Variants in ZNF605 observed in about 807,000 individuals in gnomAD.
ZNF605 encodes zinc finger protein 605.
In ZNF605, 9 loss-of-function variants were observed where a neutral mutation model predicts 7.9. The ratio of observed to expected loss-of-function variants is 1.14; its 90% confidence interval spans 0.68 to 1.98. The LOEUF (loss-of-function observed/expected upper bound fraction) is 1.98, where lower values mean the gene tolerates loss of function less well. Ranked by LOEUF, ZNF605 falls within the 30% of genes most tolerant of loss-of-function variation. The pLI is 0.00. For missense variants in ZNF605, 673 were observed against 762.4 expected (o/e 0.88, Z 1.38); for synonymous variants, 255 against 260.1 (o/e 0.98, Z 0.19).
intron 4 of ZNF605, among the ~76,000 whole-genome samples, chr12:132,927,650 C>T (rs1410459204): frequency 2.7e-5 from 4 of 150,404 alleles, no homozygotes; most frequent in Non-Finnish European, 5.9e-5. Flanking sequence ...AGGTGTGAGC[C>T]ACTGCGCCCA....
In ZNF605 at chr12:132,925,142, A is replaced by G; in HGVS notation, c.*231T>C. On this transcript the variant is annotated 3_prime_UTR_variant, in exon 5 of 5. Coordinates refer to ENST00000360187, the MANE Select transcript of ZNF605 (RefSeq NM_183238.4). ...CACTAATAAGGTTTTCACCTCAATG[A>G]GTCATCCAATATGTAACGAGTAGTG... The G allele has an allele frequency of 2.4e-6, 1 of 413,970 alleles. No homozygotes were observed. The highest frequency in any genetic ancestry group is 4.0e-5 in the Admixed American group (1 of 25,272). 25.6% of individuals were successfully genotyped at this position (413,970 alleles called of 1,614,324 possible).
intron 3 of ZNF605, among the ~76,000 whole-genome samples, chr12:132,938,608 C>T (rs1265330327): frequency 1.3e-5 from 2 of 152,190 alleles, no homozygotes; most frequent in African/African-American, 2.4e-5. Context: ...TCAGAGCCCT[C>T]GCTTGTTCTC....
intron 2 of ZNF605, among the ~76,000 whole-genome samples, 176 bp from the exon 3 acceptor site, chr12:132,945,973 C>T (rs1395409748): frequency 2.0e-5 from 3 of 152,140 alleles, no homozygotes; most frequent in Non-Finnish European, 2.9e-5. Context: ...TAGCACGTCT[C>T]CGTCGGGTCT....
At position 132,925,083 on chromosome 12, in the gene ZNF605, T is replaced by G. The variant is rs1952233217; in HGVS notation, c.*290A>C. The G allele has an allele frequency of 2.8e-5, 8 of 288,612 alleles. No individual in the cohort carries two copies. In the East Asian group the frequency reaches 4.4e-4, roughly 16 times the overall value. The allele number at this position is 288,612 out of a possible 1,614,324, so 17.9% of individuals were successfully genotyped here. A position where few individuals can be genotyped will look rare whatever the true frequency, so the allele number is the denominator to read the frequency against. On this transcript the variant is annotated 3_prime_UTR_variant, in exon 5 of 5. Transcript: ENST00000360187. ...TAGGTATTCTAAACATTTAATAAAC[T>G]GACTTTTGACTAAAAGCTTCTCTAC... is the stretch of plus-strand genomic sequence containing the variant.
chr12:132,932,955 T>C, intron 4 of ZNF605, 80 bp downstream of exon 4: 1 of 1,490,544 alleles, frequency 6.7e-7, no homozygotes, highest in Non-Finnish European at 9.0e-7. Context: ...CTTTGACATG[T>C]AAAACTTACA....
At chr12:132,949,485 T>C (rs1390951869) in intron 1 of ZNF605, among the ~76,000 whole-genome samples, 1 of 152,186 alleles carries the variant, frequency 6.6e-6, no homozygotes, top group South Asian at 2.1e-4. Flanking sequence ...TCACTCTTTA[T>C]GCACTCTTAA....
At chr12:132,954,440 A>AGGGGGAGAAGGGTG (rs1952612172) in intron 1 of ZNF605, among the ~76,000 whole-genome samples, 1 of 5,066 alleles carries the variant, frequency 2.0e-4, no homozygotes, top group African/African-American at 8.4e-4. Context: ...GGAGAAGGGT[A>AGGGGGAGAAGGGTG]GGGAGGGGAG....
chr12:132,929,805 C>T (rs1198811222), intron 4 of ZNF605, among the ~76,000 whole-genome samples: 4 of 151,926 alleles, frequency 2.6e-5, no homozygotes, highest in Non-Finnish European at 4.4e-5. Context: ...AATAGCTGGG[C>T]GTGGTGGTGT....
chr12:132,937,359 C>CAAAAA (rs56281488), intron 3 of ZNF605, among the ~76,000 whole-genome samples: 74 of 86,658 alleles, frequency 8.5e-4, no homozygotes, highest in South Asian at 1.2e-3. Context: ...AACTCTGTCT[C>CAAAAA]AAAAAAAAAA....
In ZNF605 at chr12:132,924,855, G is replaced by A. The variant is rs1247844398; in HGVS notation, c.*518C>T. 3 of 152,568 alleles carry A rather than the reference G, an allele frequency of 2.0e-5. No individual in the cohort carries two copies. Among genetic ancestry groups the A allele is most frequent in the Admixed American group, 2.0e-4 (3 of 15,280 alleles). The allele number at this position is 152,568 out of a possible 1,614,324, so 9.5% of individuals were successfully genotyped here. A position where few individuals can be genotyped will look rare whatever the true frequency, so the allele number is the denominator to read the frequency against. ...ACACACCTCACACTTACAATTCACT[G>A]CTTTTTGTAATAATTGATGTATAAA... On this transcript the variant is annotated 3_prime_UTR_variant, in exon 5 of 5. Coordinates refer to ENST00000360187, the MANE Select transcript of ZNF605 (RefSeq NM_183238.4).
At chr12:132,937,516 GAC>G (rs151320663) in intron 3 of ZNF605, among the ~76,000 whole-genome samples, 26 of 148,326 alleles carry the variant, frequency 1.8e-4, no homozygotes, top group Non-Finnish European at 3.2e-4. Context: ...CACACACACA[GAC>G]ACACACACAC....
intron 4 of ZNF605, among the ~76,000 whole-genome samples, chr12:132,929,043 AC>A (rs201497234): frequency 6.5e-4 from 12 of 18,402 alleles, no homozygotes; most frequent in African/African-American, 1.0e-3. Context: ...ACAAAACAAA[AC>A]AAAAAAACCC....
At chr12:132,955,066 G>A (rs1952621456) in intron 1 of ZNF605, among the ~76,000 whole-genome samples, 1 of 152,118 alleles carries the variant, frequency 6.6e-6, no homozygotes, top group Non-Finnish European at 1.5e-5. Flanking sequence ...ACTGGACAGA[G>A]CAAAGAAAGA....
chr12:132,932,925 C>T (rs952339217), intron 4 of ZNF605, 110 bp downstream of exon 4: 1 of 1,404,918 alleles, frequency 7.1e-7, no homozygotes, highest in African/African-American at 1.4e-5. Flanking sequence ...TCTTTCAATT[C>T]AGTATAAAAG....
intron 1 of ZNF605, among the ~76,000 whole-genome samples, chr12:132,954,031 C>T (rs986770695): frequency 7.9e-5 from 12 of 151,862 alleles, no homozygotes; most frequent in Admixed American, 1.3e-4. Context: ...TGCCAGGGCA[C>T]GAGCCAATAA....
chr12:132,952,988 AC>A (rs1157863130), intron 1 of ZNF605, among the ~76,000 whole-genome samples: 2 of 151,616 alleles, frequency 1.3e-5, no homozygotes, highest in Admixed American at 1.3e-4. Context: ...GACACAAACC[AC>A]TGAACTCCGC....
chr12:132,927,913 C>T (rs931938677), intron 4 of ZNF605, among the ~76,000 whole-genome samples: 4 of 152,136 alleles, frequency 2.6e-5, no homozygotes, highest in Admixed American at 6.6e-5. Context: ...CCTCGGCCTC[C>T]CAAAGTGCTG....
At chr12:132,931,786 A>G (rs1161391397) in intron 4 of ZNF605, among the ~76,000 whole-genome samples, 1 of 152,258 alleles carries the variant, frequency 6.6e-6, no homozygotes, top group Non-Finnish European at 1.5e-5. Context: ...CCACCTGACT[A>G]TGTGATGGTA....
chr12:132,929,144 ATGCC>A (rs1384684070), intron 4 of ZNF605, among the ~76,000 whole-genome samples: 1 of 152,184 alleles, frequency 6.6e-6, no homozygotes, highest in Admixed American at 6.5e-5. Context: ...GCGGTGACTG[ATGCC>A]TGGAATCCCA....
Sources: allele counts gnomAD v4.1 joint callset (sites outside exome capture counted in the v4.1 genomes callset), GRCh38; gene constraint gnomAD v4.1.1; transcripts MANE v1.5; gene names NCBI Gene and HGNC (gene_info 2026-07-23, HGNC 2026-07-21).